The following PRDM1 variants were observed in gnomAD, a reference collection of about 807,000 sequenced individuals.
PRDM1 encodes PR/SET domain 1, also known as PR domain zinc finger protein 1.
Under a neutral mutation model 62.8 loss-of-function variants are expected in PRDM1, and 13 were observed. That is an observed-to-expected ratio of 0.21 (90% CI 0.13 to 0.33). The LOEUF (loss-of-function observed/expected upper bound fraction) is 0.33, where lower values mean the gene tolerates loss of function less well. PRDM1 is among the 10% of genes least tolerant of loss of function. The pLI is 1.00. For synonymous variants in PRDM1, 396 were observed against 417.6 expected, an observed-to-expected ratio of 0.95 and a Z score of 0.63; for missense variants, 895 against 1,058.8, an observed-to-expected ratio of 0.85 and a Z score of 2.15.
intron 1 of PRDM1, among the ~76,000 whole-genome samples, chr6:106,056,425 G>A (rs1773268987): frequency 6.6e-6 from 1 of 152,150 alleles, no homozygotes; most frequent in African/African-American, 2.4e-5. Context: ...TTATAAAGGT[G>A]GAAAAACTGC....
rs1348349504 is a variant in PRDM1 at position 106,106,695 on chromosome 6, GGGTGGGAAAAT to G, written c.1902+200_1903-202del. On this transcript the variant is annotated intron_variant, in intron 6 of 6. Coordinates refer to ENST00000369096, the MANE Select transcript of PRDM1 (RefSeq NM_001198.4). This position sits in a 1 kb window ranked among gnomAD's most constrained non-coding sequence, Gnocchi z 4.4. Reference sequence around the variant, plus strand: ...TGAGATGGCACAGCCAGCTTCCAGTGGGTGGGAAAATGGTAGGGGAAATAAACAGCCCCTCG... The same window carrying G: ...TGAGATGGCACAGCCAGCTTCCAGTGGGTAGGGGAAATAAACAGCCCCTCG... Among the ~76,000 whole-genome samples the G allele has an allele frequency of 2.6e-5, 4 of 152,168 alleles. No individual in the cohort carries two copies. Among genetic ancestry groups the G allele is most frequent in the Non-Finnish European group, 4.4e-5 (3 of 68,018 alleles).
chr6:106,028,188 G>A (rs565186199), intron 1 of PRDM1, among the ~76,000 whole-genome samples: 2 of 152,274 alleles, frequency 1.3e-5, no homozygotes, highest in Middle Eastern at 3.4e-3. Flanking sequence ...TCCTCCAGCG[G>A]GGCTGGATTT....
intron 1 of PRDM1, among the ~76,000 whole-genome samples, chr6:106,011,201 G>T (rs114235734): frequency 3.7e-4 from 56 of 152,260 alleles, no homozygotes; most frequent in African/African-American, 1.3e-3. Flanking sequence ...TATTACCGAA[G>T]ATGTACCGAA....
intron 4 of PRDM1, among the ~76,000 whole-genome samples, chr6:106,101,120 C>T (rs1355871415): frequency 6.6e-6 from 1 of 152,124 alleles, no homozygotes; most frequent in East Asian, 1.9e-4. Context: ...TCAGAAGAAG[C>T]GCACAGCTCC....
Position 106,109,894 on chromosome 6 carries a change from T to A in PRDM1, c.*2408T>A, listed in dbSNP as rs572764984. ...GTTTACAATGTTATTTATGTGCAAA[T>A]TGTCAAAATGTAAATTAAATATAAA... On this transcript the variant is annotated 3_prime_UTR_variant, in exon 7 of 7. Transcript: ENST00000369096. 6.5e-5 allele frequency: 15 copies of A among 229,978 alleles called. No individual in the cohort carries two copies. Among genetic ancestry groups the A allele is most frequent in the Non-Finnish European group, 1.0e-4 (12 of 115,844 alleles). 14.2% of individuals were successfully genotyped at this position (229,978 alleles called of 1,614,324 possible).
intron 1 of PRDM1, among the ~76,000 whole-genome samples, chr6:106,022,859 A>T (rs566611268): frequency 1.3e-5 from 2 of 152,286 alleles, no homozygotes; most frequent in South Asian, 4.1e-4. Context: ...CCCGGCCATA[A>T]ATGAAATATT....
chr6:106,109,692 A>G lies in PRDM1; in HGVS notation c.*2206A>G, dbSNP rs886265425. 8.6e-6 allele frequency: 2 copies of G among 233,196 alleles called. No individual in the cohort carries two copies. Among genetic ancestry groups the G allele is most frequent in the South Asian group, 1.8e-4 (1 of 5,524 alleles). The allele number at this position is 233,196 out of a possible 1,614,324, so 14.4% of individuals were successfully genotyped here. ...GTGCTTTCCCATAGTGAGAATTTTTATAAAGACTTCTTGCTTCTCTCACCA... is the reference window on the plus strand; with the variant it reads ...GTGCTTTCCCATAGTGAGAATTTTTGTAAAGACTTCTTGCTTCTCTCACCA... On this transcript the variant is annotated 3_prime_UTR_variant, in exon 7 of 7. Transcript: ENST00000369096.
At chr6:106,086,788 G>C (rs1050607634) in intron 1 of PRDM1, among the ~76,000 whole-genome samples, 193 bp downstream of exon 1, 4 of 152,052 alleles carry the variant, frequency 2.6e-5, no homozygotes, top group Admixed American at 2.6e-4. Context: ...TTCAGTTCTA[G>C]ACATAATTGC....
intron 1 of PRDM1, among the ~76,000 whole-genome samples, chr6:106,018,655 T>C (rs1772654164): frequency 6.6e-6 from 1 of 151,910 alleles, no homozygotes; most frequent in Non-Finnish European, 1.5e-5. Flanking sequence ...AAATATGTCT[T>C]TTTTTTTAAA....
At chr6:106,060,652 T>C (rs1489486327) in intron 1 of PRDM1, among the ~76,000 whole-genome samples, 2 of 152,006 alleles carry the variant, frequency 1.3e-5, no homozygotes, top group Non-Finnish European at 2.9e-5. Context: ...CAGTTGTTCA[T>C]TGGATTGGAA....
rs565568398 is a variant in PRDM1 at position 106,014,086 on chromosome 6, C to T, written c.-67+20447C>T. On this transcript the variant is annotated intron_variant, in intron 1 of 6. Coordinates refer to the PRDM1 transcript ENST00000652320. ...TTTTTTTTTTTTTTTTTTTTTGAGA[C>T]GGGGTCTCTGTCATCCAGGCTGGAG... Among the ~76,000 whole-genome samples, 142 of 90,944 alleles carry T rather than the reference C, an allele frequency of 1.6e-3. 1 individual carries two copies. The highest frequency in any genetic ancestry group is 5.9e-3 in the African/African-American group (136 of 23,014). The allele number at this position is 90,944 out of a possible 152,430, so 59.7% of individuals were successfully genotyped here.
rs2114664113 is a variant in PRDM1, at chr6:106,107,181, C to T, written c.2173C>T (p.Arg725Ter). ...TGGGCTGCCCTTGGAAGATCTGACC[C>T]GAATCAATGAAGAAATCGAGAAGTT... ...APGLPLEDLTRINEEIEKFDI... is the reference protein window; with the variant it reads ...APGLPLEDLT Residue 725 changes from arginine to a stop codon, truncating the protein, a stop_gained, in exon 7 of 7, where the codon CGA becomes TGA. Transcript: ENST00000369096. LOFTEE classifies it high-confidence loss of function. The T allele has an allele frequency of 6.2e-7, 1 of 1,614,144 alleles. No individual in the cohort carries two copies. Among genetic ancestry groups the T allele is most frequent in the Non-Finnish European group, 8.5e-7 (1 of 1,180,032 alleles).
At chr6:106,041,225 T>C (rs967820039) in intron 1 of PRDM1, among the ~76,000 whole-genome samples, 1 of 25,984 alleles carries the variant, frequency 3.8e-5, no homozygotes, top group African/African-American at 2.8e-4. Context: ...ATTGTCATTG[T>C]TCTTTGAGAG....
intron 1 of PRDM1, among the ~76,000 whole-genome samples, chr6:106,073,105 C>CTTTTTTTTTTTT (rs202236727): frequency 1.5e-5 from 2 of 137,660 alleles, no homozygotes; most frequent in Non-Finnish European, 3.1e-5. Context: ...TTCCTCTTTT[C>CTTTTTTTTTTTT]TTTTTTTTTT....
chr6:105,994,369 AT>A lies in PRDM1; in HGVS notation c.-67+732del, dbSNP rs1349175318. On this transcript the variant is annotated intron_variant, in intron 1 of 6. Transcript: ENST00000652320. This position sits in a 1 kb window ranked among gnomAD's most constrained non-coding sequence, Gnocchi z 4.1. ...GGACTGCATTCGCCTAAATTGCGTA[AT>A]TAAAAAAAAAAAATACACCACTGCC... 2.4e-5 allele frequency among the ~76,000 whole-genome samples: 1 copy of A among 41,238 alleles called. No homozygotes were observed. Among genetic ancestry groups the A allele is most frequent in the East Asian group, 6.2e-4 (1 of 1,610 alleles). The allele number at this position is 41,238 out of a possible 152,430, so 27.1% of individuals were successfully genotyped here.
intron 1 of PRDM1, among the ~76,000 whole-genome samples, chr6:105,996,575 T>C (rs1013287484): frequency 2.6e-5 from 4 of 152,218 alleles, no homozygotes; most frequent in African/African-American, 7.2e-5. Context: ...TGCCAAAACA[T>C]CTTATAGTTT....
upstream of PRDM1, among the ~76,000 whole-genome samples, chr6:106,045,169 AT>A (rs1773054364): frequency 6.6e-6 from 1 of 152,224 alleles, no homozygotes; most frequent in African/African-American, 2.4e-5. Context: ...TTCAGGAACT[AT>A]CCCAATAAAA....
chr6:106,104,395 G>A (rs891434799), intron 4 of PRDM1, among the ~76,000 whole-genome samples: 63 of 152,206 alleles, frequency 4.1e-4, no homozygotes, highest in African/African-American at 1.4e-3. Flanking sequence ...ATTTTTAGTA[G>A]AGATGGGGTT....
chr6:106,096,971 G>T lies in PRDM1; in HGVS notation c.411+1237G>T, dbSNP rs551951398. Among the ~76,000 whole-genome samples, 9 of 152,212 alleles carry T rather than the reference G, an allele frequency of 5.9e-5. No homozygotes were observed. The South Asian group carries it at 1.2e-3, about 21-fold the overall frequency. ...TTTAGCTGGTATTTTTGCCTAGAAC[G>T]ATTATATCGTTCGGACAAGAAGCTA... On this transcript the variant is annotated intron_variant, in intron 3 of 6. Transcript: ENST00000369096.
Sources: gnomAD v4.1 joint callset for allele counts (sites outside exome capture counted in the v4.1 genomes callset) on GRCh38, gnomAD v4.1.1 for gene constraint, Gnocchi (gnomAD v3.1) non-coding constraint, MANE v1.5 for transcripts, NCBI Gene and HGNC (gene_info 2026-07-23, HGNC 2026-07-21) for gene names.